TUSC3: variants seen among roughly 807,000 people sequenced by gnomAD.
The protein encoded by TUSC3 is tumor suppressor candidate 3, also known as dolichyl-diphosphooligosaccharide--protein glycosyltransferase subunit TUSC3.
A neutral mutation model predicts 44.8 loss-of-function variants in TUSC3; 45 were observed. The observed-to-expected ratio is 1.00, with a 90% CI of 0.79 to 1.29. The LOEUF (loss-of-function observed/expected upper bound fraction) is 1.29, where lower values mean the gene tolerates loss of function less well. Among genes scored for constraint, TUSC3 ranks in the 50% most tolerant of loss-of-function variants. The pLI is 0.00. For synonymous variants in TUSC3, 212 were observed against 152.9 expected (o/e 1.39, Z -2.85); for missense variants, 519 against 437.9 (o/e 1.19, Z -1.65).
At chr8:15,648,027 G>A (rs1806707478) in intron 2 of TUSC3, among the ~76,000 whole-genome samples, 1 of 152,050 alleles carries the variant, frequency 6.6e-6, no homozygotes, top group Admixed American at 6.5e-5. Flanking sequence ...ATTTTAATTT[G>A]AAGACTTAAT....
In TUSC3 at chr8:15,497,065, G is replaced by A. The variant is rs115215041; in HGVS notation, n.189+13582G>A. On this transcript the variant is annotated intron_variant and non_coding_transcript_variant, in intron 2 of 5. Transcript: ENST00000503191. ...AAATAAACATAGTAAATAAGGAAAT[G>A]ACAAAATACGGAAAATACGGTAAGT... Among the ~76,000 whole-genome samples, 1,023 of 152,304 alleles carry A rather than the reference G, an allele frequency of 6.7e-3. 10 individuals are homozygous for A. Among genetic ancestry groups the A allele is most frequent in the Middle Eastern group, 0.024 (7 of 294 alleles).
In TUSC3 at chr8:15,741,280, A is replaced by G. The variant is rs546044723; in HGVS notation, c.863-2258A>G. The stretch of plus-strand genomic sequence containing the variant: ...CTTTATTTTCCCCAGTAATAGAAAT[A>G]CTGCCATTTCCCCCATGATTCATTA... On this transcript the variant is annotated intron_variant, in intron 7 of 10. Transcript: ENST00000503731. Among the ~76,000 whole-genome samples the G allele has an allele frequency of 7.2e-5, 11 of 152,348 alleles. No individual in the cohort carries two copies. The East Asian group carries it at 2.1e-3, about 29-fold the overall frequency.
chr8:15,842,066 C>T, the TUSC3 span, among the ~76,000 whole-genome samples: 38 of 152,248 alleles, frequency 2.5e-4, no homozygotes, highest in Middle Eastern at 6.8e-3. Flanking sequence ...ATGTTACCCA[C>T]GTTTCTTATT....
intron 1 of TUSC3, among the ~76,000 whole-genome samples, chr8:15,584,201 A>G (rs1803500147): frequency 1.3e-5 from 2 of 152,208 alleles, no homozygotes; most frequent in East Asian, 3.9e-4. Flanking sequence ...AATTTGAGTA[A>G]TTAGAGAACC....
the TUSC3 span, among the ~76,000 whole-genome samples, chr8:15,837,112 G>C: frequency 6.6e-6 from 1 of 152,030 alleles, no homozygotes; most frequent in Admixed American, 6.6e-5. Flanking sequence ...TTGTTCTACT[G>C]TCTGCTGGCA....
At chr8:15,542,173 C>G (rs1427892427) in intron 1 of TUSC3, among the ~76,000 whole-genome samples, 1 of 151,490 alleles carries the variant, frequency 6.6e-6, no homozygotes, top group African/African-American at 2.4e-5. Flanking sequence ...AAGGGTGGGA[C>G]AACTCAAAGG....
intron 2 of TUSC3, among the ~76,000 whole-genome samples, chr8:15,643,182 T>C (rs1806462495): frequency 6.6e-6 from 1 of 152,194 alleles, no homozygotes. Flanking sequence ...CCTTCCGCCA[T>C]GATCATGTTT....
chr8:15,600,104 A>T (rs2129154153), intron 1 of TUSC3, among the ~76,000 whole-genome samples: 1 of 151,836 alleles, frequency 6.6e-6, no homozygotes, highest in East Asian at 1.9e-4. Flanking sequence ...GTTGAAAACA[A>T]GTGGTAGAGG....
At position 15,745,706 on chromosome 8, in the gene TUSC3, T is replaced by C. The variant is rs946515315; in HGVS notation, c.937+2094T>C. ...TTCTGGATACTAGATGTTTGTCAGA[T>C]GCATAGCTAGCAAAAATTTTCTCCC... On this transcript the variant is annotated intron_variant, in intron 8 of 10. Transcript: ENST00000503731. Among the ~76,000 whole-genome samples the C allele has an allele frequency of 2.0e-5, 3 of 150,968 alleles. No individual in the cohort carries two copies. In the Admixed American group the frequency reaches 2.0e-4, roughly 10 times the overall value.
chr8:15,738,982 G>A (rs975448744), intron 7 of TUSC3, among the ~76,000 whole-genome samples: 4 of 151,502 alleles, frequency 2.6e-5, no homozygotes, highest in South Asian at 2.1e-4. Flanking sequence ...ACAGGCACGC[G>A]CCACCATGCC....
intron 1 of TUSC3, among the ~76,000 whole-genome samples, chr8:15,440,430 C>T (rs1036799195): frequency 6.6e-6 from 1 of 152,078 alleles, no homozygotes; most frequent in Non-Finnish European, 1.5e-5. Flanking sequence ...TTCACAAGAG[C>T]AATGGGAAAC....
intron 1 of TUSC3, among the ~76,000 whole-genome samples, chr8:15,441,777 C>G (rs1010347384): frequency 1.3e-5 from 2 of 152,018 alleles, no homozygotes; most frequent in African/African-American, 4.8e-5. Context: ...ATGAGGTGTC[C>G]TGAGTGTTCC....
At chr8:15,806,379 G>A in the TUSC3 span, 3 of 737,206 alleles carry the variant, frequency 4.1e-6, no homozygotes, top group Admixed American at 3.5e-5. Context: ...GCCCAACTCT[G>A]CCTCCTTCTT....
chr8:15,523,648 A>G (rs1288413105), intron 2 of TUSC3, among the ~76,000 whole-genome samples: 13 of 5,776 alleles, frequency 2.3e-3, no homozygotes, highest in Admixed American at 9.8e-3. Flanking sequence ...ACATATATAT[A>G]TATATATATA....
At chr8:15,846,703 A>G in the TUSC3 span, among the ~76,000 whole-genome samples, 2 of 152,190 alleles carry the variant, frequency 1.3e-5, no homozygotes, top group African/African-American at 4.8e-5. Flanking sequence ...GGAACATCAC[A>G]CATCAGGGCC....
At chr8:15,419,456 T>C (rs950097256) in intron 1 of TUSC3, among the ~76,000 whole-genome samples, 1 of 152,358 alleles carries the variant, frequency 6.6e-6, no homozygotes, top group Non-Finnish European at 1.5e-5. Flanking sequence ...AATCATAATA[T>C]TTTAGAATGT....
At chr8:15,807,056 T>A in the TUSC3 span, 1 of 1,411,542 alleles carries the variant, frequency 7.1e-7, no homozygotes. Context: ...CGATGTGATC[T>A]AACAAATGCT....
At chr8:15,785,632 C>T in the TUSC3 span, among the ~76,000 whole-genome samples, 5 of 152,090 alleles carry the variant, frequency 3.3e-5, no homozygotes, top group South Asian at 4.1e-4. Flanking sequence ...CACCTCTCCA[C>T]TCCCTTACCT....
chr8:15,423,988 T>TGG, intron 1 of TUSC3, among the ~76,000 whole-genome samples: 1 of 109,636 alleles, frequency 9.1e-6, no homozygotes, highest in South Asian at 3.5e-4. Flanking sequence ...TTTTTTTTTT[T>TGG]TTTTTTTTTT....
Sources: gnomAD v4.1 joint callset for allele counts (sites outside exome capture counted in the v4.1 genomes callset) on GRCh38, gnomAD v4.1.1 for gene constraint, MANE v1.5 for transcripts, NCBI Gene and HGNC (gene_info 2026-07-23, HGNC 2026-07-21) for gene names.